TXNL4A: variants seen among roughly 807,000 people sequenced by gnomAD.
TXNL4A encodes the protein thioredoxin like 4A.
A neutral mutation model predicts 14.6 loss-of-function variants in TXNL4A; 17 were observed. The ratio of observed to expected loss-of-function variants is 1.16; its 90% CI spans 0.80 to 1.74. The LOEUF is 1.74. TXNL4A is among the 40% of genes most tolerant of loss of function. The pLI is 0.00. For missense variants in TXNL4A, 74 were observed against 195.2 expected, an observed-to-expected ratio of 0.38 and a Z score of 3.70; for synonymous variants, 83 against 70.6, an observed-to-expected ratio of 1.18 and a Z score of -0.88.
intron 1 of TXNL4A, among the ~76,000 whole-genome samples, chr18:80,017,891 G>A (rs1277260036): frequency 6.6e-6 from 1 of 151,588 alleles, no homozygotes; most frequent in Non-Finnish European, 1.5e-5. Flanking sequence ...ATGAGTTAGG[G>A]AGGATTCCCT....
At chr18:79,976,860 GATAAA>G in intron 2 of TXNL4A, 1 of 447,746 alleles carries the variant, frequency 2.2e-6, no homozygotes, top group Non-Finnish European at 4.5e-6. Context: ...TTTTTGAGCT[GATAAA>G]ATAATCTTGT....
At position 79,988,451 on chromosome 18, in the gene TXNL4A, G is replaced by T; in HGVS notation, c.-59C>A. 1 of 1,305,644 alleles carries T rather than the reference G, an allele frequency of 7.7e-7. No individual in the cohort carries two copies. 80.9% of individuals were successfully genotyped at this position (1,305,644 alleles called of 1,614,324 possible). ...GGCGCCAGGGAGGGCCCAGCGAGGT[G>T]GGCTCAGCCGGCCCCTCACTCCCCG... On this transcript the variant is annotated 5_prime_UTR_variant, in exon 1 of 3. Transcript: ENST00000269601.
upstream of TXNL4A, among the ~76,000 whole-genome samples, chr18:79,993,548 T>A (rs73973010): frequency 1.8e-3 from 270 of 152,304 alleles, 3 homozygotes; most frequent in African/African-American, 6.3e-3. The surrounding 1 kb of genome is among the most constrained non-coding windows in gnomAD (Gnocchi z 4.4). Context: ...TCAGAAGTCA[T>A]ATAATTTGCG....
intron 1 of TXNL4A, among the ~76,000 whole-genome samples, chr18:79,986,325 G>A (rs1235160092): frequency 6.6e-6 from 1 of 152,140 alleles, no homozygotes; most frequent in Non-Finnish European, 1.5e-5. Flanking sequence ...ATGAACTACC[G>A]CGCCTGGCCT....
At chr18:80,033,271 A>G (rs1568385141) in intron 1 of TXNL4A, among the ~76,000 whole-genome samples, 1 of 146,418 alleles carries the variant, frequency 6.8e-6, no homozygotes, top group Non-Finnish European at 1.5e-5. Flanking sequence ...GCACACATAC[A>G]CATGTACACA....
chr18:79,994,238 A>T (rs2145097360), intron 1 of TXNL4A, among the ~76,000 whole-genome samples: 1 of 152,302 alleles, frequency 6.6e-6, no homozygotes, highest in African/African-American at 2.4e-5. Flanking sequence ...ATCTTTTGAG[A>T]TGCCCAATTT....
chr18:79,976,842 T>C (rs2145056545), intron 2 of TXNL4A: 1 of 450,882 alleles, frequency 2.2e-6, no homozygotes, highest in Admixed American at 2.4e-5. Flanking sequence ...TAAATTTCCA[T>C]AATGAAATTT....
At chr18:80,032,533 T>C (rs1432925585) in intron 1 of TXNL4A, among the ~76,000 whole-genome samples, 1 of 152,196 alleles carries the variant, frequency 6.6e-6, no homozygotes, top group Non-Finnish European at 1.5e-5. Flanking sequence ...AGATTCCTGG[T>C]GAGCTGTTGA....
At chr18:80,020,023 G>A (rs1176609332) in intron 1 of TXNL4A, among the ~76,000 whole-genome samples, 1 of 152,144 alleles carries the variant, frequency 6.6e-6, no homozygotes, top group Non-Finnish European at 1.5e-5. Context: ...TGTTGTGGGA[G>A]GAACCCGGTG....
At chr18:80,026,166 C>G (rs1409472001) in intron 1 of TXNL4A, among the ~76,000 whole-genome samples, 1 of 152,144 alleles carries the variant, frequency 6.6e-6, no homozygotes, top group Non-Finnish European at 1.5e-5. Context: ...TGGGCCATAG[C>G]CAGAACTAAT....
At chr18:80,020,954 C>A (rs2051844610) in intron 1 of TXNL4A, among the ~76,000 whole-genome samples, 2 of 152,174 alleles carry the variant, frequency 1.3e-5, no homozygotes, top group African/African-American at 4.8e-5. Context: ...GATTTGGAAA[C>A]TTTATATCCT....
chr18:80,013,726 G>A (rs1047031723), intron 1 of TXNL4A, among the ~76,000 whole-genome samples: 1 of 152,230 alleles, frequency 6.6e-6, no homozygotes, highest in Non-Finnish European at 1.5e-5. Flanking sequence ...TTACAGGCGT[G>A]AGCCATTGCA....
chr18:80,032,748 G>T (rs373799749), intron 1 of TXNL4A, among the ~76,000 whole-genome samples: 1 of 152,228 alleles, frequency 6.6e-6, no homozygotes, highest in African/African-American at 2.4e-5. Flanking sequence ...GCTGAGGCGG[G>T]AGAATTGTTT....
intron 1 of TXNL4A, among the ~76,000 whole-genome samples, chr18:79,981,571 C>T (rs1330712404): frequency 6.6e-6 from 1 of 152,204 alleles, no homozygotes; most frequent in African/African-American, 2.4e-5. Flanking sequence ...ACTTGGGAGG[C>T]TGAGGCAGGA....
At chr18:80,006,477 C>T (rs893652078) in intron 1 of TXNL4A, among the ~76,000 whole-genome samples, 3 of 152,112 alleles carry the variant, frequency 2.0e-5, no homozygotes, top group Non-Finnish European at 2.9e-5. Flanking sequence ...GTGGATTTTC[C>T]ATAGGAGCAT....
At position 79,977,582 on chromosome 18, in the gene TXNL4A, CTT is replaced by C. The variant is rs1185054285; in HGVS notation, c.257+14_257+15del. The C allele has an allele frequency of 1.3e-6, 2 of 1,558,704 alleles. No homozygotes were observed. The highest frequency in any genetic ancestry group is 1.8e-6 in the Non-Finnish European group (2 of 1,139,894). On this transcript the variant is annotated intron_variant, in intron 2 of 2. Transcript: ENST00000269601. The stretch of plus-strand genomic sequence containing the variant: ...TGACAATATTCAATTTCAGTAACAA[CTT>C]TAAGATAACGTACCTGAAGAAAAAC...
intron 1 of TXNL4A, among the ~76,000 whole-genome samples, chr18:80,008,166 T>C (rs2051745174): frequency 6.6e-6 from 1 of 152,178 alleles, no homozygotes; most frequent in South Asian, 2.1e-4. Context: ...TTCCGGGTGT[T>C]ATGAGTGTGC....
intron 1 of TXNL4A, among the ~76,000 whole-genome samples, chr18:80,015,001 T>C (rs1484759980): frequency 6.6e-6 from 1 of 152,240 alleles, no homozygotes; most frequent in Non-Finnish European, 1.5e-5. Context: ...AGCTGTATGT[T>C]GGCCCCTTTC....
At chr18:80,021,993 C>CTT (rs57141907) in intron 1 of TXNL4A, among the ~76,000 whole-genome samples, 51,016 of 150,148 alleles carry the variant, frequency 0.34, 8,905 homozygotes, top group East Asian at 0.48. Context: ...GCTAGAATAC[C>CTT]TTTTTTTTTT....
Sources: gnomAD v4.1 joint callset for allele counts (sites outside exome capture counted in the v4.1 genomes callset) on GRCh38, gnomAD v4.1.1 for gene constraint, Gnocchi (gnomAD v3.1) non-coding constraint, MANE v1.5 for transcripts, NCBI Gene and HGNC (gene_info 2026-07-23, HGNC 2026-07-21) for gene names.